SPTBN5: variants seen among roughly 807,000 people sequenced by gnomAD.
The protein encoded by SPTBN5 is spectrin beta chain, non-erythrocytic 5.
SPTBN5 carries 513 observed loss-of-function variants against 477.6 expected under a neutral mutation model. The ratio of observed to expected loss-of-function variants is 1.07; its 90% CI spans 1.00 to 1.16. The LOEUF is 1.16. Among genes scored for constraint, SPTBN5 ranks in the 50% most tolerant of loss-of-function variants. The pLI is 0.00. For missense variants in SPTBN5, 5,062 were observed against 4,731.8 expected, an observed-to-expected ratio of 1.07 and a Z score of -2.05; for synonymous variants, 2,169 against 2,011.7, an observed-to-expected ratio of 1.08 and a Z score of -2.09.
At chr15:41,858,142 C>T (rs891681215) in intron 49 of SPTBN5, among the ~76,000 whole-genome samples, 1 of 152,100 alleles carries the variant, frequency 6.6e-6, no homozygotes, top group African/African-American at 2.4e-5. Flanking sequence ...ACCAAAAATA[C>T]AAAAAAGTAG....
chr15:41,853,855 G>C (rs576496433), intron 57 of SPTBN5, 68 bp from the exon 58 acceptor site: 2 of 1,462,078 alleles, frequency 1.4e-6, no homozygotes, highest in South Asian at 2.6e-5. Context: ...GCATTCAGGA[G>C]CACCAGGCCT....
At chr15:41,866,917 G>A (rs773268599) in intron 36 of SPTBN5, 42 bp downstream of exon 36, 1 of 1,527,298 alleles carries the variant, frequency 6.5e-7, no homozygotes, top group South Asian at 1.2e-5. Flanking sequence ...ACTGTCGAGT[G>A]TGGTTCCAGT....
chr15:41,876,138 G>T lies in SPTBN5; in HGVS notation c.4098C>A (p.Arg1366=). ...CCTGCTGCAGGGCCTCCACGTGTCT[G>T]CGGGTGGCGAGTAGCTCGCTCTCAG... The part of the protein sequence containing the change: ...EAAESELLAT[R]RHVEALQQVG... Residue 1366 remains arginine, a synonymous_variant, in exon 21 of 68, where the codon CGC becomes CGA. Transcript: ENST00000320955. The T allele has an allele frequency of 6.2e-7, 1 of 1,603,010 alleles. No homozygotes were observed.
At position 41,857,005 on chromosome 15, in the gene SPTBN5, T is replaced by C; in HGVS notation, c.8656A>G (p.Arg2886Gly). Residue 2886 changes from arginine (R) to glycine (G), a missense_variant, in exon 52 of 68, where the codon AGG becomes GGG. Coordinates refer to ENST00000320955, the MANE Select transcript of SPTBN5 (RefSeq NM_016642.4). ...KSLREPLQER[R>G]TALEARSLLL... ...AGGCTCCGGGCCTCCAGGGCCGTCCTGCGCTCCTGCAGGGGCTCCCTCAGG... is the reference window on the plus strand; with the variant it reads ...AGGCTCCGGGCCTCCAGGGCCGTCCCGCGCTCCTGCAGGGGCTCCCTCAGG... 6.2e-7 allele frequency: 1 copy of C among 1,605,096 alleles called. No homozygotes were observed.
chr15:41,868,510 A>G lies in SPTBN5; in HGVS notation c.5945T>C (p.Leu1982Pro), dbSNP rs746764870. 4 of 1,610,358 alleles carry G rather than the reference A, an allele frequency of 2.5e-6. No homozygotes were observed. The East Asian group carries it at 8.9e-5, about 36-fold the overall frequency. The change falls in exon 33 of 68, where the codon CTC becomes CCC. Residue 1982 changes from leucine to proline, a missense_variant. By Grantham distance (98) the Leu-to-Pro change is moderately conservative. Transcript: ENST00000320955. ...SQEPSSGPLK[L>P]SAHQWLRAEL... is the part of the protein sequence containing the mutation. ...CGCCCGGAGCCACTGGTGGGCACTG[A>G]GCTTCAGCGGGCCACTGCTAGGCTC...
chr15:41,848,729 C>A lies in SPTBN5; in HGVS notation c.11013-101G>T, dbSNP rs1021173305. On this transcript the variant is annotated intron_variant, in intron 67 of 67. Coordinates refer to ENST00000320955, the MANE Select transcript of SPTBN5 (RefSeq NM_016642.4). The stretch of plus-strand genomic sequence containing the variant: ...CCCTGCCCTCCCCTGGACCAGCCAG[C>A]CTCCTAGAATAAGCGTGGGAGTGGA... 2.4e-5 allele frequency: 33 copies of A among 1,384,540 alleles called. No homozygotes were observed. In the East Asian group the frequency reaches 7.1e-4, roughly 30 times the overall value. 85.8% of individuals were successfully genotyped at this position (1,384,540 alleles called of 1,614,324 possible). A position where few individuals can be genotyped will look rare whatever the true frequency, so the allele number is the denominator to read the frequency against.
Position 41,871,817 on chromosome 15 carries a change from C to G in SPTBN5, c.5266G>C (p.Gly1756Arg), listed in dbSNP as rs1198283568. The G allele has an allele frequency of 6.3e-7, 1 of 1,592,400 alleles. No individual in the cohort carries two copies. Among genetic ancestry groups the G allele is most frequent in the Admixed American group, 1.7e-5 (1 of 57,794 alleles). ...TCGGGGTCCTCTCCCAGGCTCTCCC[C>G]TCCTTTGGCTGCCTGCTTCTGGCTT... ...LASQKQAAKG[G>R]ESLGEDPEHA... Residue 1756 changes from glycine to arginine, a missense_variant, in exon 28 of 68, where the codon GGG becomes CGG. Coordinates refer to ENST00000320955, the MANE Select transcript of SPTBN5 (RefSeq NM_016642.4).
rs749010450 is a variant in SPTBN5 at position 41,858,864 on chromosome 15, C to T, written c.8079+26G>A. The T allele has an allele frequency of 2.2e-5, 35 of 1,555,712 alleles. No homozygotes were observed. The Middle Eastern group carries it at 6.8e-4, about 30-fold the overall frequency. The stretch of plus-strand genomic sequence containing the variant: ...GGGTCGACTCCTTCCCCACCATGAC[C>T]GCCTCCCTCTCCAAGCGAGGCGAAC... On this transcript the variant is annotated intron_variant, in intron 48 of 67. Coordinates refer to ENST00000320955, the MANE Select transcript of SPTBN5 (RefSeq NM_016642.4).
rs781589733 is a variant in SPTBN5, at chr15:41,874,977, C to T, written c.4367G>A (p.Arg1456Lys). 6.2e-7 allele frequency: 1 copy of T among 1,613,776 alleles called. No homozygotes were observed. Among genetic ancestry groups the T allele is most frequent in the Non-Finnish European group, 8.5e-7 (1 of 1,179,896 alleles). ...ETGQDLRSSQ[R>K]LQKRHQQLES... Reference sequence around the variant, plus strand: ...CAGCTGTTGGTGCCGTTTCTGCAGCCTCTGGCTGGAGCGCAGGTCCTGCCC... The same window carrying T: ...CAGCTGTTGGTGCCGTTTCTGCAGCTTCTGGCTGGAGCGCAGGTCCTGCCC... The change falls in exon 23 of 68, where the codon AGG becomes AAG. Residue 1456 changes from arginine to lysine, a missense_variant. Arg to Lys is a conservative substitution (Grantham distance 26). Transcript: ENST00000320955.
In SPTBN5 at chr15:41,862,906, G is replaced by C. The variant is rs1230856305; in HGVS notation, c.7150-3C>G. The C allele has an allele frequency of 6.4e-7, 1 of 1,568,864 alleles. No individual in the cohort carries two copies. Among genetic ancestry groups the C allele is most frequent in the Admixed American group, 1.9e-5 (1 of 53,522 alleles). ...TCCAGGGCCTGGATCAGGGCTTCCT[G>C]GAGGAGGGGCACGGCCAGTTACCTG... On this transcript the variant is annotated splice_polypyrimidine_tract_variant and splice_region_variant and intron_variant, in intron 41 of 67. Transcript: ENST00000320955.
At chr15:41,865,325 C>A (rs1567198994) in intron 39 of SPTBN5, among the ~76,000 whole-genome samples, 1 of 152,138 alleles carries the variant, frequency 6.6e-6, no homozygotes, top group East Asian at 1.9e-4. Flanking sequence ...TATGTCCTAT[C>A]TTTTTAAGAT....
rs773729196 is a variant in SPTBN5 at position 41,850,884 on chromosome 15, T to G, written c.10891A>C (p.Ser3631Arg). 11 of 1,603,850 alleles carry G rather than the reference T, an allele frequency of 6.9e-6. No homozygotes were observed. The highest frequency in any genetic ancestry group is 3.4e-5 in the Admixed American group (2 of 58,960). The change falls in exon 66 of 68, where the codon AGC (serine) becomes CGC (arginine). Residue 3631 changes from serine to arginine, a missense_variant. Coordinates refer to ENST00000320955, the MANE Select transcript of SPTBN5 (RefSeq NM_016642.4). ...FAAPSEEQAE[S>R]WWRALGSTAA... ...GTGCTGCCCAGGGCTCGCCACCAGC[T>G]CTCAGCCTGCTCTTCGGACGGTGCT...
chr15:41,883,617 G>C, intron 7 of SPTBN5, 131 bp from the exon 8 acceptor site: 1 of 1,025,532 alleles, frequency 9.8e-7, no homozygotes, highest in Non-Finnish European at 1.4e-6. Flanking sequence ...AAGGTCTATG[G>C]ACTCTGACAG....
intron 54 of SPTBN5, 33 bp from the exon 55 acceptor site, chr15:41,855,461 C>T (rs1462656504): frequency 2.5e-6 from 4 of 1,594,302 alleles, no homozygotes; most frequent in Non-Finnish European, 3.4e-6. Context: ...TGGACTGCAG[C>T]CCTGCCTTTC....
chr15:41,883,963 G>GTATTTT (rs1005436752), intron 7 of SPTBN5, among the ~76,000 whole-genome samples: 4 of 151,352 alleles, frequency 2.6e-5, no homozygotes, highest in Admixed American at 6.6e-5. Context: ...GCTAATTTTT[G>GTATTTT]TATTTTTATT....
chr15:41,871,603 C>T (rs2066538900), intron 28 of SPTBN5, 83 bp from the exon 29 acceptor site: 1 of 1,415,812 alleles, frequency 7.1e-7, no homozygotes, highest in Non-Finnish European at 9.3e-7. Flanking sequence ...CCTCAGTGCC[C>T]AACTGGGTGA....
chr15:41,886,124 G>T lies in SPTBN5; in HGVS notation c.1131C>A (p.Leu377=). The change falls in exon 7 of 68, where the codon CTC becomes CTA. Residue 377 remains leucine, a synonymous_variant. Transcript: ENST00000320955. The stretch of plus-strand genomic sequence containing the variant: ...GGAAGGGCCTGCGGTTCTGGGCTTG[G>T]AGTGCTGTCTGTAGCCGGAAGAGCA... ...EALLFRLQTA[L]QAQNRRPFLP... The T allele has an allele frequency of 1.2e-6, 2 of 1,611,122 alleles. No individual in the cohort carries two copies. Among genetic ancestry groups the T allele is most frequent in the East Asian group, 2.2e-5 (1 of 44,818 alleles).
chr15:41,875,392 C>T, intron 22 of SPTBN5, 66 bp downstream of exon 22: 1 of 1,531,026 alleles, frequency 6.5e-7, no homozygotes, highest in South Asian at 1.2e-5. Flanking sequence ...CTTCTCCCTC[C>T]CCGTTCTGTC....
At chr15:41,853,972 G>T in intron 57 of SPTBN5, 78 bp downstream of exon 57, 1 of 1,484,084 alleles carries the variant, frequency 6.7e-7, no homozygotes, top group Admixed American at 2.2e-5. Context: ...GCTGGGGTGG[G>T]AGGGCTGAGA....
Sources: allele counts gnomAD v4.1 joint callset (sites outside exome capture counted in the v4.1 genomes callset), GRCh38; gene constraint gnomAD v4.1.1; transcripts MANE v1.5; gene names NCBI Gene and HGNC (gene_info 2026-07-23, HGNC 2026-07-21).